The following PCNT variants were observed in gnomAD, a reference collection of about 807,000 sequenced individuals.
The protein encoded by PCNT is kendrin.
In PCNT, 319 loss-of-function variants were observed where a neutral mutation model predicts 380.4. That is an observed-to-expected ratio of 0.84 (90% confidence interval 0.77 to 0.92). The LOEUF is 0.92. Among genes scored for constraint, PCNT ranks in the 40% least tolerant of loss-of-function variants. The pLI is 0.00. For missense variants in PCNT, 4,400 were observed against 4,255.3 expected (o/e 1.03, Z -0.95); for synonymous variants, 1,845 against 1,735.2 (o/e 1.06, Z -1.57).
intron 8 of PCNT, among the ~76,000 whole-genome samples, 187 bp from the exon 9 acceptor site, chr21:46,351,242 C>G (rs1021370711): frequency 3.3e-5 from 5 of 152,156 alleles, no homozygotes; most frequent in Admixed American, 2.6e-4. Context: ...CAGCGCTGAC[C>G]GATCCCTCTT....
chr21:46,442,490 T>G lies in PCNT; in HGVS notation c.9624-7T>G. On this transcript the variant is annotated splice_region_variant and splice_polypyrimidine_tract_variant and intron_variant, in intron 43 of 46. Coordinates refer to ENST00000359568, the MANE Select transcript of PCNT (RefSeq NM_006031.6). ...TTTTAAGTGTGTCTTGTCTCTTTTT[T>G]TTGTAGATTACGTTTTTTGGTTAAG... 6.3e-7 allele frequency: 1 copy of G among 1,587,706 alleles called. No individual in the cohort carries two copies. The highest frequency in any genetic ancestry group is 8.6e-7 in the Non-Finnish European group (1 of 1,156,142).
At chr21:46,405,420 A>G (rs951743231) in intron 27 of PCNT, among the ~76,000 whole-genome samples, 1 of 152,230 alleles carries the variant, frequency 6.6e-6, no homozygotes, top group African/African-American at 2.4e-5. Flanking sequence ...TTTTATGGCC[A>G]GGAGCGGTGG....
At chr21:46,377,448 CTT>C (rs1412788186) in intron 15 of PCNT, among the ~76,000 whole-genome samples, 1 of 152,312 alleles carries the variant, frequency 6.6e-6, no homozygotes, top group East Asian at 1.9e-4. Context: ...TAAAACTGAG[CTT>C]TTTCTAGGCA....
In PCNT at chr21:46,421,821, G is replaced by A. The variant is rs1018518437; in HGVS notation, c.7025-149G>A. On this transcript the variant is annotated intron_variant, in intron 31 of 46. Transcript: ENST00000359568. The stretch of plus-strand genomic sequence containing the variant: ...TATGTTTTTATGAAGCATTTTTGGG[G>A]CCATCAGTGTTTTCTCCGTGAGCAG... 9.2e-6 allele frequency: 8 copies of A among 865,202 alleles called. No homozygotes were observed. The African/African-American group carries it at 1.3e-4, about 15-fold the overall frequency. The allele number at this position is 865,202 out of a possible 1,614,324, so 53.6% of individuals were successfully genotyped here. A position where few individuals can be genotyped will look rare whatever the true frequency, so the allele number is the denominator to read the frequency against.
At chr21:46,324,937 CG>C in intron 1 of PCNT, 1 of 985,424 alleles carries the variant, frequency 1.0e-6, no homozygotes, top group Non-Finnish European at 1.2e-6. Context: ...TCCCGGCCGC[CG>C]TCTTCTTCCC....
intron 32 of PCNT, among the ~76,000 whole-genome samples, chr21:46,424,871 T>C (rs2087429432): frequency 6.6e-6 from 1 of 152,166 alleles, no homozygotes; most frequent in African/African-American, 2.4e-5. Flanking sequence ...TAAAAGTGTT[T>C]TCAGTTGTTA....
Position 46,432,006 on chromosome 21 carries a change from G to A in PCNT, c.8542G>A (p.Glu2848Lys), listed in dbSNP as rs139983947. 19 of 1,613,798 alleles carry A rather than the reference G, an allele frequency of 1.2e-5. No individual in the cohort carries two copies. In the African/African-American group the frequency reaches 2.5e-4, roughly 22 times the overall value. ...AAGTGCCACACTGAAGTCGACGGTG[G>A]AAGCCCTGCACACCCAAAAACGAGA... ...EVSATLKSTV[E>K]ALHTQKRELR... Residue 2848 changes from glutamate to lysine, a missense_variant, in exon 38 of 47, where the codon GAA becomes AAA. Coordinates refer to ENST00000359568, the MANE Select transcript of PCNT (RefSeq NM_006031.6).
rs371893416 is a variant in PCNT at position 46,425,922 on chromosome 21, G to T, written c.7271G>T (p.Arg2424Leu). ...CCAAGCGGCGAGCCACACCCACCCC[G>T]GAAGGAAGACGAGATACAGGACATC... Reference protein sequence around the residue: ...APPSGEPHPPRKEDEIQDISL... With the variant: ...APPSGEPHPPLKEDEIQDISL... The change falls in exon 33 of 47, where the codon CGG (arginine) becomes CTG (leucine). Residue 2424 changes from arginine (R) to leucine (L), a missense_variant. Arg to Leu is a moderately radical substitution (Grantham distance 102). Transcript: ENST00000359568. This position sits in a 1 kb window ranked among gnomAD's most constrained non-coding sequence, Gnocchi z 4.2. 1.9e-6 allele frequency: 3 copies of T among 1,613,938 alleles called. No individual in the cohort carries two copies. The highest frequency in any genetic ancestry group is 1.7e-5 in the Admixed American group (1 of 59,998).
chr21:46,375,818 G>A (rs1351643537), intron 15 of PCNT, among the ~76,000 whole-genome samples: 3 of 152,246 alleles, frequency 2.0e-5, no homozygotes, highest in Non-Finnish European at 4.4e-5. Flanking sequence ...CACCTCCTAC[G>A]TCCTCTGCAG....
rs773757779 is a variant in PCNT, at chr21:46,416,651, A to T, written c.6733A>T (p.Thr2245Ser). 6 of 1,565,176 alleles carry T rather than the reference A, an allele frequency of 3.8e-6. No homozygotes were observed. Among genetic ancestry groups the T allele is most frequent in the South Asian group, 2.4e-5 (2 of 81,820 alleles). ...GGAGCCCTGGCCCAGCCTCCCCGTG[A>T]CACCCCACTCAGGAGCCCTGAGCCT... ...TLEPWPSLPV[T>S]PHSGALSLCS... Residue 2245 changes from threonine (T) to serine (S), a missense_variant, in exon 30 of 47, where the codon ACA (threonine) becomes TCA (serine). Thr to Ser is a moderately conservative substitution (Grantham distance 58, BLOSUM62 1). Coordinates refer to ENST00000359568, the MANE Select transcript of PCNT (RefSeq NM_006031.6).
intron 33 of PCNT, among the ~76,000 whole-genome samples, chr21:46,426,569 C>A (rs1408613861): frequency 1.3e-5 from 2 of 152,284 alleles, no homozygotes; most frequent in African/African-American, 2.4e-5. Flanking sequence ...CAGCACTTGT[C>A]CCCCAGGGCC....
At chr21:46,346,715 C>A in intron 4 of PCNT, 28 bp from the exon 5 acceptor site, 1 of 1,583,814 alleles carries the variant, frequency 6.3e-7, no homozygotes, top group Non-Finnish European at 8.6e-7. Context: ...ACCATGGGCC[C>A]TTATCAGAGG....
At position 46,411,443 on chromosome 21, in the gene PCNT, C is replaced by A. The variant is rs192388432; in HGVS notation, c.5370C>A (p.Gly1790=). 3 of 1,611,700 alleles carry A rather than the reference C, an allele frequency of 1.9e-6. No homozygotes were observed. Among genetic ancestry groups the A allele is most frequent in the Admixed American group, 3.3e-5 (2 of 59,928 alleles). Residue 1790 remains glycine, a synonymous_variant, in exon 28 of 47, where the codon GGC becomes GGA. Transcript: ENST00000359568. ...AGGPRGQALQ[G]ELEAALEAKE... Reference sequence around the variant, plus strand: ...GCCCTCGTGGGCAGGCCCTACAGGGCGAGCTCGAGGCTGCGCTGGAAGCCA... The same window carrying A: ...GCCCTCGTGGGCAGGCCCTACAGGGAGAGCTCGAGGCTGCGCTGGAAGCCA...
intron 24 of PCNT, 122 bp downstream of exon 24, chr21:46,398,377 T>C: frequency 9.6e-7 from 1 of 1,036,674 alleles, no homozygotes; most frequent in Non-Finnish European, 1.4e-6. Context: ...AGCCATCTGC[T>C]TTCTCTTGTC....
At position 46,412,970 on chromosome 21, in the gene PCNT, T is replaced by C. The variant is rs1258745515; in HGVS notation, c.6128T>C (p.Leu2043Pro). Reference sequence around the variant, plus strand: ...CTCTTGGTGAAAAATGAAATGCGCCTGAGTCTGGAGGACGGCGGCAAGGTG... The same window carrying C: ...CTCTTGGTGAAAAATGAAATGCGCCCGAGTCTGGAGGACGGCGGCAAGGTG... ...ELLLVKNEMR[L>P]SLEDGGKGKE... is the part of the protein sequence containing the mutation. Residue 2043 changes from leucine (L) to proline (P), a missense_variant, in exon 29 of 47, where the codon CTG becomes CCG. Transcript: ENST00000359568. The C allele has an allele frequency of 1.2e-6, 2 of 1,608,690 alleles. No homozygotes were observed. Among genetic ancestry groups the C allele is most frequent in the African/African-American group, 1.3e-5 (1 of 74,612 alleles).
intron 3 of PCNT, among the ~76,000 whole-genome samples, chr21:46,342,100 CCTGA>C (rs562285142): frequency 4.7e-4 from 71 of 152,000 alleles, no homozygotes; most frequent in African/African-American, 1.7e-3. Context: ...CACCGCCATG[CCTGA>C]CTAATTTTTT....
chr21:46,406,886 C>T (rs1395076781), intron 27 of PCNT, among the ~76,000 whole-genome samples: 2 of 152,182 alleles, frequency 1.3e-5, no homozygotes, highest in Admixed American at 1.3e-4. Context: ...ACTAACCTTG[C>T]GGTTCTAGGA....
chr21:46,411,882 C>T lies in PCNT; in HGVS notation c.5809C>T (p.His1937Tyr), dbSNP rs1371184902. The T allele has an allele frequency of 8.3e-6, 13 of 1,573,182 alleles. No homozygotes were observed. Among genetic ancestry groups the T allele is most frequent in the Non-Finnish European group, 1.1e-5 (13 of 1,167,164 alleles). The change falls in exon 28 of 47, where the codon CAC becomes TAC. Residue 1937 changes from histidine (H) to tyrosine (Y), a missense_variant. Transcript: ENST00000359568. ...CCTCAGCCGCCAGCTGCAGGTGCTG[C>T]ACCAGCGGTTCCTGAGGTGCCAGGT... is the stretch of plus-strand genomic sequence containing the variant. The part of the protein sequence containing the change: ...ARLSRQLQVL[H>Y]QRFLRCQVEL...
In PCNT at chr21:46,334,720, C is replaced by T; in HGVS notation, c.591C>T (p.Ile197=). 1 of 1,612,400 alleles carries T rather than the reference C, an allele frequency of 6.2e-7. No individual in the cohort carries two copies. The highest frequency in any genetic ancestry group is 8.5e-7 in the Non-Finnish European group (1 of 1,179,388). Residue 197 remains isoleucine (I), a synonymous_variant, in exon 3 of 47, where the codon ATC becomes ATT. Transcript: ENST00000359568. ...VSDHTPEQRG[I]FTISDHPAEQ... is the part of the protein sequence containing the mutation. ...ACCACACACCAGAACAGCGTGGGAT[C>T]TTCACAATCAGTGACCACCCAGCAG...
Sources: allele counts gnomAD v4.1 joint callset (sites outside exome capture counted in the v4.1 genomes callset), GRCh38; gene constraint gnomAD v4.1.1; non-coding constraint Gnocchi (gnomAD v3.1); transcripts MANE v1.5; gene names NCBI Gene and HGNC (gene_info 2026-07-23, HGNC 2026-07-21).